The following DIP2C variants were observed in gnomAD, a reference collection of about 807,000 sequenced individuals.
The protein encoded by DIP2C is DIP2 acetate--CoA ligase C (putative).
A neutral mutation model predicts 192.4 loss-of-function variants in DIP2C; 33 were observed. The ratio of observed to expected loss-of-function variants is 0.17; its 90% CI spans 0.13 to 0.23. DIP2C has a LOEUF of 0.23. Ranked by LOEUF, DIP2C falls within the 10% of genes least tolerant of loss-of-function variation. The pLI, the probability that DIP2C is intolerant of heterozygous loss-of-function variation, is 1.00. For synonymous variants in DIP2C, 979 were observed against 864.1 expected, an observed-to-expected ratio of 1.13 and a Z score of -2.33; for missense variants, 1,537 against 2,110.1, an observed-to-expected ratio of 0.73 and a Z score of 5.32.
intron 32 of DIP2C, among the ~76,000 whole-genome samples, chr10:295,852 T>C (rs1168151260): frequency 3.3e-5 from 5 of 151,978 alleles, no homozygotes; most frequent in Non-Finnish European, 5.9e-5. Flanking sequence ...ACTAAAAAAA[T>C]ACAAAAATTA....
At chr10:459,232 A>C (rs566467082) in intron 3 of DIP2C, among the ~76,000 whole-genome samples, 222 of 152,000 alleles carry the variant, frequency 1.5e-3, no homozygotes, top group African/African-American at 5.2e-3. Flanking sequence ...CCTTGGAAAA[A>C]CCCACTGTGC....
rs1379048487 is a variant in DIP2C, at chr10:651,052, C to T, written c.85+38442G>A. On this transcript the variant is annotated intron_variant, in intron 1 of 36. Coordinates refer to ENST00000280886, the MANE Select transcript of DIP2C (RefSeq NM_014974.3). The surrounding 1 kb of genome is among the most constrained non-coding windows in gnomAD (Gnocchi z 4.1). ...CTGCAGAAGCCCCTTTCCATCCTAGCCCCTGCCACCCCTCCTGCTCTTGTC... is the reference window on the plus strand; with the variant it reads ...CTGCAGAAGCCCCTTTCCATCCTAGTCCCTGCCACCCCTCCTGCTCTTGTC... The T allele has an allele frequency of 7.0e-6, 5 of 717,424 alleles. No homozygotes were observed. The highest frequency in any genetic ancestry group is 2.7e-5 in the East Asian group (1 of 37,280). 44.4% of individuals were successfully genotyped at this position (717,424 alleles called of 1,614,324 possible). A position where few individuals can be genotyped will look rare whatever the true frequency, so the allele number is the denominator to read the frequency against.
intron 17 of DIP2C, among the ~76,000 whole-genome samples, chr10:381,163 T>C (rs973128572): frequency 1.2e-4 from 18 of 152,210 alleles, no homozygotes; most frequent in Admixed American, 6.5e-5. Context: ...TGCTGCCTAA[T>C]TCATCTCAGG....
At chr10:342,981 G>A (rs1958230958) in intron 28 of DIP2C, among the ~76,000 whole-genome samples, 1 of 152,198 alleles carries the variant, frequency 6.6e-6, no homozygotes, top group East Asian at 1.9e-4. Flanking sequence ...AAAATGGTCT[G>A]ATTTTTGCGG....
chr10:329,382 A>G (rs1391921514), intron 30 of DIP2C, 51 bp downstream of exon 30: 29 of 1,545,788 alleles, frequency 1.9e-5, no homozygotes, highest in Non-Finnish European at 2.4e-5. Flanking sequence ...CTTCTTAGAA[A>G]GGAGTCCCTG....
chr10:413,234 C>A (rs573027728), intron 8 of DIP2C, among the ~76,000 whole-genome samples: 33 of 152,314 alleles, frequency 2.2e-4, no homozygotes, highest in African/African-American at 6.5e-4. Context: ...GAGAAACGCA[C>A]TTCTCTGCTA....
chr10:674,826 A>AGAGAGAGAGAGAGAGACC (rs1201758510), intron 1 of DIP2C, among the ~76,000 whole-genome samples: 38 of 144,716 alleles, frequency 2.6e-4, no homozygotes, highest in Non-Finnish European at 3.9e-4. Context: ...AGAGAGAGAG[A>AGAGAGAGAGAGAGAGACC]GAGACCAACA....
chr10:310,515 G>A (rs1956522966), intron 31 of DIP2C, among the ~76,000 whole-genome samples: 1 of 152,228 alleles, frequency 6.6e-6, no homozygotes, highest in African/African-American at 2.4e-5. Flanking sequence ...TGAAGCAGAT[G>A]TGTGATATGG....
rs1402426772 is a variant in DIP2C, at chr10:286,323, T to C, written c.4069A>G (p.Ile1357Val). 1 of 1,614,170 alleles carries C rather than the reference T, an allele frequency of 6.2e-7. No individual in the cohort carries two copies. Among genetic ancestry groups the C allele is most frequent in the South Asian group, 1.1e-5 (1 of 91,074 alleles). ...GKILPGVRII[I>V]ANPETKGPLG... ...GGTCCTTTTGTTTCTGGGTTGGCAATTATAATCCGAACCCCTGGAAGTATC... is the reference window on the plus strand; with the variant it reads ...GGTCCTTTTGTTTCTGGGTTGGCAACTATAATCCGAACCCCTGGAAGTATC... The change falls in exon 34 of 37, where the codon ATT becomes GTT. Residue 1357 changes from isoleucine (I) to valine (V), a missense_variant. Transcript: ENST00000280886.
intron 1 of DIP2C, among the ~76,000 whole-genome samples, chr10:524,216 G>C (rs1021051743): frequency 1.3e-5 from 2 of 152,192 alleles, no homozygotes; most frequent in African/African-American, 4.8e-5. Flanking sequence ...AGGCAATCCT[G>C]GCAACCACCT....
At chr10:417,523 A>G (rs1473167312) in intron 6 of DIP2C, among the ~76,000 whole-genome samples, 1 of 152,212 alleles carries the variant, frequency 6.6e-6, no homozygotes, top group Non-Finnish European at 1.5e-5. Flanking sequence ...TTTCAAGCGC[A>G]CTAACTGGAC....
intron 1 of DIP2C, among the ~76,000 whole-genome samples, chr10:603,011 C>T (rs376314993): frequency 1.8e-3 from 267 of 152,126 alleles, no homozygotes; most frequent in African/African-American, 4.9e-3. Flanking sequence ...AGAAATTAGG[C>T]AAAGAATCCA....
chr10:447,527 A>G (rs1354718015), intron 3 of DIP2C, among the ~76,000 whole-genome samples: 1 of 148,602 alleles, frequency 6.7e-6, no homozygotes, highest in Non-Finnish European at 1.5e-5. Flanking sequence ...ACTCCCATCA[A>G]TACTCAGGAT....
At chr10:392,738 GCA>G (rs10543843) in intron 10 of DIP2C, among the ~76,000 whole-genome samples, 6 of 150,338 alleles carry the variant, frequency 4.0e-5, no homozygotes, top group South Asian at 2.1e-4. Flanking sequence ...GTACACACGC[GCA>G]CACACTCACA....
chr10:602,607 G>A (rs1392789929), intron 1 of DIP2C, among the ~76,000 whole-genome samples: 1 of 152,190 alleles, frequency 6.6e-6, no homozygotes. Context: ...CAGATCTGCA[G>A]GCACCTTGAC....
At chr10:548,907 C>T (rs1433135810) in intron 1 of DIP2C, among the ~76,000 whole-genome samples, 1 of 20,882 alleles carries the variant, frequency 4.8e-5, no homozygotes, top group Admixed American at 4.3e-4. Context: ...AAAATAGCAG[C>T]TCACAAAAAA....
At chr10:571,667 C>T (rs1187827424) in intron 1 of DIP2C, among the ~76,000 whole-genome samples, 2 of 152,184 alleles carry the variant, frequency 1.3e-5, no homozygotes, top group South Asian at 2.1e-4. Flanking sequence ...TGAACAGAAA[C>T]GTGTTTTGGA....
chr10:349,497 C>G, intron 24 of DIP2C, 43 bp from the exon 25 acceptor site: 2 of 1,578,004 alleles, frequency 1.3e-6, no homozygotes, highest in Non-Finnish European at 1.7e-6. Flanking sequence ...ATTCCTTCAG[C>G]AGAGCAGCTT....
intron 1 of DIP2C, among the ~76,000 whole-genome samples, chr10:537,769 C>T (rs952048833): frequency 7.9e-5 from 12 of 151,954 alleles, no homozygotes; most frequent in Non-Finnish European, 1.2e-4. Context: ...CCCTAAATAT[C>T]GAGCAGTTAT....
Sources: allele counts gnomAD v4.1 joint callset (sites outside exome capture counted in the v4.1 genomes callset), GRCh38; gene constraint gnomAD v4.1.1; non-coding constraint Gnocchi (gnomAD v3.1); transcripts MANE v1.5; gene names NCBI Gene and HGNC (gene_info 2026-07-23, HGNC 2026-07-21).